SVEP1: variants seen among roughly 807,000 people sequenced by gnomAD.
SVEP1 encodes the protein sushi, von Willebrand factor type A, EGF and pentraxin domain-containing protein 1.
A neutral mutation model predicts 367.3 loss-of-function variants in SVEP1; 164 were observed. The observed-to-expected ratio is 0.45, with a 90% CI of 0.39 to 0.51. The LOEUF (loss-of-function observed/expected upper bound fraction) is 0.51, where lower values mean the gene tolerates loss of function less well. Ranked by LOEUF, SVEP1 falls within the 20% of genes least tolerant of loss-of-function variation. The pLI is 0.00. For synonymous variants in SVEP1, 1,666 were observed against 1,611.6 expected (o/e 1.03, Z -0.81); for missense variants, 4,117 against 4,425.3 (o/e 0.93, Z 1.98).
intron 18 of SVEP1, among the ~76,000 whole-genome samples, chr9:110,461,200 A>G (rs1057103727): frequency 6.6e-6 from 1 of 152,178 alleles, no homozygotes; most frequent in African/African-American, 2.4e-5. Flanking sequence ...GTTTTCCTCC[A>G]TGATGTTTTG....
chr9:110,393,847 C>T (rs1464123601), intron 40 of SVEP1, among the ~76,000 whole-genome samples: 1 of 152,178 alleles, frequency 6.6e-6, no homozygotes, highest in Non-Finnish European at 1.5e-5. Context: ...ATTAGGTAAA[C>T]AAAGCAGCCA....
At chr9:110,375,247 T>G in intron 46 of SVEP1, 121 bp downstream of exon 46, 1 of 851,554 alleles carries the variant, frequency 1.2e-6, no homozygotes, top group Non-Finnish European at 1.8e-6. Flanking sequence ...GAGGAATTTT[T>G]GAGAAACATC....
At chr9:110,464,062 C>T (rs1410003527) in intron 18 of SVEP1, among the ~76,000 whole-genome samples, 1 of 152,044 alleles carries the variant, frequency 6.6e-6, no homozygotes, top group South Asian at 2.1e-4. Context: ...GAACTTGTTT[C>T]ACTATAAAAA....
chr9:110,374,875 C>T (rs557611645), intron 46 of SVEP1, among the ~76,000 whole-genome samples: 15 of 152,124 alleles, frequency 9.9e-5, no homozygotes, highest in South Asian at 4.1e-4. Flanking sequence ...GACACATGCT[C>T]GTGTATGTTC....
At chr9:110,394,480 C>G (rs915819486) in intron 40 of SVEP1, among the ~76,000 whole-genome samples, 10 of 152,168 alleles carry the variant, frequency 6.6e-5, no homozygotes, top group African/African-American at 2.2e-4. Context: ...TCCTCACCAG[C>G]AACAGAACAA....
intron 40 of SVEP1, among the ~76,000 whole-genome samples, chr9:110,390,721 G>A (rs1254365075): frequency 2.6e-5 from 4 of 151,992 alleles, no homozygotes; most frequent in African/African-American, 7.3e-5. Flanking sequence ...AGGGAACTCT[G>A]AAAAGGGTAC....
At chr9:110,431,869 T>C (rs1180420012) in intron 32 of SVEP1, 46 bp downstream of exon 32, 2 of 1,609,316 alleles carry the variant, frequency 1.2e-6, no homozygotes, top group Non-Finnish European at 1.7e-6. Context: ...TGTACTTGAA[T>C]AAAAGAATGG....
At chr9:110,561,115 T>C (rs1830421016) in intron 1 of SVEP1, among the ~76,000 whole-genome samples, 2 of 152,174 alleles carry the variant, frequency 1.3e-5, no homozygotes, top group African/African-American at 4.8e-5. Context: ...ACCCCACTTT[T>C]GCACTCGATT....
intron 46 of SVEP1, among the ~76,000 whole-genome samples, chr9:110,373,316 G>A (rs1483603372): frequency 6.6e-6 from 1 of 152,040 alleles, no homozygotes; most frequent in African/African-American, 2.4e-5. Flanking sequence ...TTCATGAATG[G>A]CTCAATTTTG....
intron 27 of SVEP1, 40 bp from the exon 28 acceptor site, chr9:110,436,544 C>T (rs1274496113): frequency 6.3e-7 from 1 of 1,594,422 alleles, no homozygotes; most frequent in East Asian, 2.3e-5. Flanking sequence ...GGAAAACTGG[C>T]CTGATGGTCT....
chr9:110,477,208 CA>C (rs1455800098), intron 13 of SVEP1, among the ~76,000 whole-genome samples: 1 of 152,210 alleles, frequency 6.6e-6, no homozygotes, highest in Non-Finnish European at 1.5e-5. Flanking sequence ...AGGAATCCAA[CA>C]GTTCCTTGAC....
chr9:110,499,436 T>C (rs1829498616), intron 6 of SVEP1, among the ~76,000 whole-genome samples, 198 bp from the exon 7 acceptor site: 1 of 152,206 alleles, frequency 6.6e-6, no homozygotes, highest in Non-Finnish European at 1.5e-5. Flanking sequence ...TCTTTTGCTA[T>C]TTTTGCCAGT....
intron 41 of SVEP1, among the ~76,000 whole-genome samples, chr9:110,388,882 T>TCC (rs1384899775): frequency 6.6e-6 from 1 of 151,928 alleles, no homozygotes; most frequent in African/African-American, 2.4e-5. Context: ...GGCATGAGAG[T>TCC]CCCTTGAGCC....
At chr9:110,467,557 C>T (rs1337012933) in intron 17 of SVEP1, among the ~76,000 whole-genome samples, 3 of 151,832 alleles carry the variant, frequency 2.0e-5, no homozygotes, top group African/African-American at 7.3e-5. Flanking sequence ...AGTATCGTAC[C>T]CCTGGGGCTG....
intron 16 of SVEP1, 110 bp downstream of exon 16, chr9:110,471,254 G>T: frequency 1.1e-6 from 1 of 910,194 alleles, no homozygotes; most frequent in South Asian, 1.9e-5. Context: ...CACACAACAA[G>T]AGCAAAATAT....
intron 12 of SVEP1, 38 bp downstream of exon 12, chr9:110,481,204 C>T: frequency 7.3e-7 from 1 of 1,369,194 alleles, no homozygotes; most frequent in East Asian, 2.6e-5. Flanking sequence ...CACACATTCA[C>T]ACACATTAAA....
intron 47 of SVEP1, chr9:110,369,689 A>C (rs549524928): frequency 5.8e-5 from 27 of 463,098 alleles, no homozygotes; most frequent in East Asian, 4.8e-4. Context: ...TGTGCTGCTG[A>C]AGTGAGCACA....
chr9:110,460,060 A>G (rs772229127), intron 18 of SVEP1, among the ~76,000 whole-genome samples: 2 of 152,178 alleles, frequency 1.3e-5, no homozygotes, highest in Non-Finnish European at 2.9e-5. Context: ...ACAATAATAT[A>G]AGGTAATATA....
In SVEP1 at chr9:110,377,617, C is replaced by T. The variant is rs565785979; in HGVS notation, c.10409-251G>A. ...TAAAAATTGTATATATTTTTTACAA[C>T]CTGATGTTTTGATTTATGTATAGAT... On this transcript the variant is annotated intron_variant, in intron 44 of 47. Transcript: ENST00000374469. Among the ~76,000 whole-genome samples, 4 of 152,282 alleles carry T rather than the reference C, an allele frequency of 2.6e-5. No individual in the cohort carries two copies. In the South Asian group the frequency reaches 8.3e-4, roughly 32 times the overall value.
Sources: gnomAD v4.1 joint callset for allele counts (sites outside exome capture counted in the v4.1 genomes callset) on GRCh38, gnomAD v4.1.1 for gene constraint, MANE v1.5 for transcripts, NCBI Gene and HGNC (gene_info 2026-07-23, HGNC 2026-07-21) for gene names.